ERCC6L2: variants seen among roughly 807,000 people sequenced by gnomAD.
ERCC6L2 encodes the protein ERCC excision repair 6 like 2.
A neutral mutation model predicts 132.0 loss-of-function variants in ERCC6L2; 77 were observed. That is an observed-to-expected ratio of 0.58 (90% CI 0.49 to 0.71). ERCC6L2 has a LOEUF of 0.71. ERCC6L2 is among the 30% of genes least tolerant of loss of function. ERCC6L2 has a pLI of 0.00. For synonymous variants in ERCC6L2, 583 were observed against 632.4 expected (o/e 0.92, Z 1.17); for missense variants, 1,542 against 1,837.6 (o/e 0.84, Z 2.94).
At chr9:95,992,038 A>G (rs138304028) in intron 17 of ERCC6L2, among the ~76,000 whole-genome samples, 2,303 of 152,320 alleles carry the variant, frequency 0.015, 67 homozygotes, top group African/African-American at 0.052. Flanking sequence ...AATTTTCTTC[A>G]TAAGCTTCAA....
chr9:95,887,764 A>G (rs591486), intron 2 of ERCC6L2, among the ~76,000 whole-genome samples: 67,364 of 151,954 alleles, frequency 0.44, 15,562 homozygotes, highest in East Asian at 0.67. Context: ...GATCTTCAGT[A>G]GATTCAAAAC....
intron 19 of ERCC6L2, among the ~76,000 whole-genome samples, chr9:96,037,527 G>A (rs1273477915): frequency 2.6e-5 from 4 of 152,200 alleles, no homozygotes; most frequent in Non-Finnish European, 5.9e-5. Context: ...AGAAGGCCCT[G>A]AGGTTCTGGC....
At chr9:95,993,689 A>T (rs933785712) in intron 17 of ERCC6L2, among the ~76,000 whole-genome samples, 8 of 152,254 alleles carry the variant, frequency 5.3e-5, no homozygotes, top group Non-Finnish European at 8.8e-5. Context: ...AAATAAAAGC[A>T]GGCTCAGGAC....
intron 2 of ERCC6L2, among the ~76,000 whole-genome samples, chr9:95,893,895 A>C (rs1828301745): frequency 6.6e-6 from 1 of 151,978 alleles, no homozygotes; most frequent in Admixed American, 6.6e-5. Flanking sequence ...ATTTTCTGTT[A>C]TTTTCATAAG....
chr9:95,935,539 T>C (rs1830516422), intron 11 of ERCC6L2, among the ~76,000 whole-genome samples: 1 of 152,050 alleles, frequency 6.6e-6, no homozygotes, highest in Non-Finnish European at 1.5e-5. Flanking sequence ...AAAAGGATAG[T>C]TCAATACAGT....
intron 2 of ERCC6L2, among the ~76,000 whole-genome samples, chr9:95,890,691 A>G (rs965359416): frequency 6.6e-6 from 1 of 152,170 alleles, no homozygotes; most frequent in African/African-American, 2.4e-5. Context: ...TTTTTGAGAC[A>G]GTGTCTCGCT....
At position 96,014,849 on chromosome 9, in the gene ERCC6L2, G is replaced by A. The variant is rs902258752; in HGVS notation, c.*1646G>A. Among the ~76,000 whole-genome samples the A allele has an allele frequency of 9.9e-5, 15 of 152,104 alleles. No homozygotes were observed. The highest frequency in any genetic ancestry group is 3.6e-4 in the African/African-American group (15 of 41,402). On this transcript the variant is annotated 3_prime_UTR_variant, in exon 19 of 19. Coordinates refer to ENST00000653738, the MANE Select transcript of ERCC6L2 (RefSeq NM_020207.7). Reference sequence around the variant, plus strand: ...ATATGGTCCTTGATAGACTTGACTTGTAGATGTTTTCAGCCTACAATGTGA... The same window carrying A: ...ATATGGTCCTTGATAGACTTGACTTATAGATGTTTTCAGCCTACAATGTGA...
intron 17 of ERCC6L2, among the ~76,000 whole-genome samples, chr9:96,000,778 G>A (rs79789978): frequency 0.13 from 19,408 of 152,244 alleles, 1,318 homozygotes; most frequent in South Asian, 0.23. Context: ...AAGACCCCAT[G>A]TCTATAAAAT....
intron 12 of ERCC6L2, among the ~76,000 whole-genome samples, chr9:95,951,687 G>A (rs1831339088): frequency 6.6e-6 from 1 of 152,188 alleles, no homozygotes; most frequent in African/African-American, 2.4e-5. Flanking sequence ...CCAACAAATT[G>A]AATAGTCTAC....
At chr9:95,895,302 T>G (rs1401991402) in intron 2 of ERCC6L2, among the ~76,000 whole-genome samples, 2 of 152,170 alleles carry the variant, frequency 1.3e-5, no homozygotes, top group African/African-American at 4.8e-5. Context: ...ATTTTCTTAT[T>G]AGAATTTTTA....
In ERCC6L2 at chr9:95,972,480, C is replaced by T. The variant is rs1386236927; in HGVS notation, c.2729C>T (p.Thr910Ile). The change falls in exon 16 of 19, where the codon ACA becomes ATA. Residue 910 changes from threonine (T) to isoleucine (I), a missense_variant. Coordinates refer to ENST00000653738, the MANE Select transcript of ERCC6L2 (RefSeq NM_020207.7). ...GATGTCATCTGTCCTACACAATACA[C>T]AACTGAGAGATTCCCCGACAATAGT... ...DSDVICPTQY[T>I]TERFPDNSIR... 3.1e-6 allele frequency: 4 copies of T among 1,289,738 alleles called. No homozygotes were observed. The highest frequency in any genetic ancestry group is 4.0e-6 in the Non-Finnish European group (4 of 988,840). The allele number at this position is 1,289,738 out of a possible 1,614,324, so 79.9% of individuals were successfully genotyped here. A position where few individuals can be genotyped will look rare whatever the true frequency, so the allele number is the denominator to read the frequency against.
At chr9:95,905,269 A>T (rs1828976078) in intron 3 of ERCC6L2, 1 of 152,190 alleles carries the variant, frequency 6.6e-6, no homozygotes, top group African/African-American at 2.4e-5. Context: ...TAATAGCATA[A>T]CTCAGTTCTC....
At chr9:95,991,483 A>G (rs978828607) in intron 17 of ERCC6L2, among the ~76,000 whole-genome samples, 16 of 152,156 alleles carry the variant, frequency 1.1e-4, no homozygotes, top group African/African-American at 3.6e-4. Context: ...ATAGAACACC[A>G]TTTGTACTTG....
intron 4 of ERCC6L2, among the ~76,000 whole-genome samples, chr9:95,914,473 C>T (rs1227843612): frequency 6.6e-6 from 1 of 152,116 alleles, no homozygotes; most frequent in Non-Finnish European, 1.5e-5. Flanking sequence ...CCTGCCTCAG[C>T]CTCCTGAGTA....
At chr9:95,898,139 A>G (rs865917689) in intron 3 of ERCC6L2, among the ~76,000 whole-genome samples, 168 bp downstream of exon 3, 10 of 152,118 alleles carry the variant, frequency 6.6e-5, no homozygotes, top group African/African-American at 1.9e-4. Context: ...TTGAAAGATT[A>G]CCAATTTTAT....
chr9:95,949,202 G>C (rs1831211515), intron 12 of ERCC6L2, among the ~76,000 whole-genome samples: 1 of 152,108 alleles, frequency 6.6e-6, no homozygotes, highest in South Asian at 2.1e-4. Flanking sequence ...AAAACAAAAA[G>C]GGGAAGTGAA....
chr9:96,000,691 T>C (rs1456420004), intron 17 of ERCC6L2, among the ~76,000 whole-genome samples: 1 of 152,098 alleles, frequency 6.6e-6, no homozygotes, highest in Non-Finnish European at 1.5e-5. Context: ...CCCAACACTT[T>C]GGGAGGTTGA....
chr9:95,919,694 A>C (rs926391915), intron 6 of ERCC6L2, among the ~76,000 whole-genome samples: 6 of 152,214 alleles, frequency 3.9e-5, no homozygotes, highest in Admixed American at 3.3e-4. Flanking sequence ...CATGAAAGCC[A>C]TCATTCCTGG....
At chr9:96,010,980 G>A (rs1834008276) in intron 18 of ERCC6L2, among the ~76,000 whole-genome samples, 1 of 152,204 alleles carries the variant, frequency 6.6e-6, no homozygotes, top group East Asian at 1.9e-4. Context: ...ATCAAGTGCT[G>A]CTGCACTCAC....
Sources: allele counts gnomAD v4.1 joint callset (sites outside exome capture counted in the v4.1 genomes callset), GRCh38; gene constraint gnomAD v4.1.1; transcripts MANE v1.5; gene names NCBI Gene and HGNC (gene_info 2026-07-23, HGNC 2026-07-21).